Variants in SLC16A3 observed in about 807,000 individuals in gnomAD.
SLC16A3 encodes solute carrier family 16 member 3, also known as monocarboxylate transporter 4.
A neutral mutation model predicts 25.0 loss-of-function variants in SLC16A3; 22 were observed. That is an observed-to-expected ratio of 0.88 (90% CI 0.63 to 1.26). The LOEUF (loss-of-function observed/expected upper bound fraction) is 1.26, where lower values mean the gene tolerates loss of function less well. SLC16A3 is among the 50% of genes most tolerant of loss of function. The pLI is 0.00. For synonymous variants in SLC16A3, 390 were observed against 309.2 expected (o/e 1.26, Z -2.74); for missense variants, 731 against 666.6 (o/e 1.10, Z -1.06).
At chr17:82,222,889 C>G (rs193150308) in intron 1 of SLC16A3, among the ~76,000 whole-genome samples, 3 of 151,280 alleles carry the variant, frequency 2.0e-5, no homozygotes, top group African/African-American at 7.3e-5. Context: ...GCTCAGTAAA[C>G]ACGCTGGTCA....
chr17:82,220,300 C>G (rs1429962584), intron 1 of SLC16A3, among the ~76,000 whole-genome samples: 1 of 152,160 alleles, frequency 6.6e-6, no homozygotes, highest in African/African-American at 2.4e-5. Context: ...GACCTCCTGG[C>G]CTGCTGAGGC....
At chr17:82,232,921 G>GGGGT (rs1568534948) in intron 1 of SLC16A3, among the ~76,000 whole-genome samples, 1 of 150,650 alleles carries the variant, frequency 6.6e-6, no homozygotes, top group East Asian at 2.0e-4. Flanking sequence ...GGGGCGGCGG[G>GGGGT]GGGGGGGTTG....
chr17:82,238,751 G>T lies in SLC16A3; in HGVS notation c.1173G>T (p.Ala391=). The part of the protein sequence containing the change: ...THVYMYVFIL[A]GAEVLTSSLI... ...TCTACATGTACGTGTTCATCCTGGC[G>T]GGGGCCGAGGTGCTCACCTCCTCCC... The change falls in exon 5 of 5, where the codon GCG becomes GCT. Residue 391 remains alanine, a synonymous_variant. Coordinates refer to ENST00000582743, the MANE Select transcript of SLC16A3 (RefSeq NM_004207.4). 2 of 1,612,532 alleles carry T rather than the reference G, an allele frequency of 1.2e-6. No homozygotes were observed. Among genetic ancestry groups the T allele is most frequent in the Non-Finnish European group, 1.7e-6 (2 of 1,179,882 alleles).
chr17:82,236,747 GC>G lies in SLC16A3; in HGVS notation c.243del (p.Cys81TrpfsTer2). The G allele has an allele frequency of 6.2e-7, 1 of 1,607,628 alleles. No homozygotes were observed. Among genetic ancestry groups the G allele is most frequent in the East Asian group, 2.2e-5 (1 of 44,874 alleles). On this transcript the variant is annotated frameshift_variant, in exon 3 of 5. Transcript: ENST00000582743. LOFTEE classifies it high-confidence loss of function. ...TCTCCAGGTCCGCTCTGCAGTGTGT[GC>G]GTGAACCGCTTTGGCTGCCGGCCCG... ...LYGTGPLCSV[C>X]VNRFGCRPVM... is the part of the protein sequence containing the mutation.
In SLC16A3 at chr17:82,236,158, A is replaced by G; in HGVS notation, c.150A>G (p.Ile50Met). 1 of 1,613,260 alleles carries G rather than the reference A, an allele frequency of 6.2e-7. No homozygotes were observed. Among genetic ancestry groups the G allele is most frequent in the Non-Finnish European group, 8.5e-7 (1 of 1,179,966 alleles). The change falls in exon 2 of 5, where the codon ATA becomes ATG. Residue 50 changes from isoleucine to methionine, a missense_variant. Coordinates refer to ENST00000582743, the MANE Select transcript of SLC16A3 (RefSeq NM_004207.4). ...KAVSVFFKEL[I>M]QEFGIGYSDT... ...TCAGTGTCTTCTTCAAGGAGCTCAT[A>G]CAGGAGTTTGGGATCGGCTACAGCG... is the stretch of plus-strand genomic sequence containing the variant.
chr17:82,238,721 C>G lies in SLC16A3; in HGVS notation c.1143C>G (p.Thr381=). ...CCGCAGGCAAACTCCTGGATGCGAC[C>G]CACGTCTACATGTACGTGTTCATCC... ...PPSGGKLLDA[T]HVYMYVFILA... The change falls in exon 5 of 5, where the codon ACC becomes ACG. Residue 381 remains threonine, a synonymous_variant. Transcript: ENST00000582743. 6.2e-7 allele frequency: 1 copy of G among 1,611,242 alleles called. No homozygotes were observed. Among genetic ancestry groups the G allele is most frequent in the Non-Finnish European group, 8.5e-7 (1 of 1,179,368 alleles).
chr17:82,229,012 C>T (rs1483290453), upstream of SLC16A3: 2 of 149,410 alleles, frequency 1.3e-5, no homozygotes, highest in Admixed American at 1.3e-4. Flanking sequence ...GACCCGAGCA[C>T]TTAAAGTCGC....
chr17:82,221,501 G>A lies in SLC16A3; in HGVS notation c.-27+3317G>A, dbSNP rs530020270. The stretch of plus-strand genomic sequence containing the variant: ...GAAGACTCGTGTGAACCCGGGAGGT[G>A]AAGGCTGCAGTGAGCTGAGAACGCA... On this transcript the variant is annotated intron_variant, in intron 1 of 4. Coordinates refer to the SLC16A3 transcript ENST00000580098. 7.2e-5 allele frequency among the ~76,000 whole-genome samples: 11 copies of A among 152,098 alleles called. No homozygotes were observed. In the South Asian group the frequency reaches 1.9e-3, roughly 26 times the overall value.
chr17:82,228,100 G>A (rs915844686), upstream of SLC16A3, among the ~76,000 whole-genome samples: 20 of 152,232 alleles, frequency 1.3e-4, no homozygotes, highest in African/African-American at 4.6e-4. Flanking sequence ...GCCAGTTAAA[G>A]CATTCCTGTG....
In SLC16A3 at chr17:82,239,144, G is replaced by C; in HGVS notation, c.*168G>C. On this transcript the variant is annotated 3_prime_UTR_variant, in exon 5 of 5. Coordinates refer to ENST00000582743, the MANE Select transcript of SLC16A3 (RefSeq NM_004207.4). ...TTTTGAGGGGGAAGGTGGCGGGGTG[G>C]GAACCGTGTCATTCCAGAGTGGATC... 1.6e-6 allele frequency: 1 copy of C among 640,148 alleles called. No individual in the cohort carries two copies. Among genetic ancestry groups the C allele is most frequent in the Non-Finnish European group, 2.5e-6 (1 of 396,690 alleles). 39.7% of individuals were successfully genotyped at this position (640,148 alleles called of 1,614,324 possible).
upstream of SLC16A3, among the ~76,000 whole-genome samples, chr17:82,224,165 C>T (rs112306145): frequency 1.6e-4 from 14 of 87,508 alleles, no homozygotes; most frequent in South Asian, 5.2e-4. Flanking sequence ...CCCCTACACC[C>T]GTGCAGACAC....
chr17:82,220,113 C>T (rs2050380099), intron 1 of SLC16A3, among the ~76,000 whole-genome samples: 1 of 152,254 alleles, frequency 6.6e-6, no homozygotes, highest in South Asian at 2.1e-4. Context: ...CCCATCCAGC[C>T]ACCTGCCACC....
At chr17:82,235,008 G>A (rs557616754) in intron 1 of SLC16A3, 4 of 152,344 alleles carry the variant, frequency 2.6e-5, no homozygotes, top group Non-Finnish European at 5.9e-5. Flanking sequence ...CTGGTGAGGA[G>A]AGGACAAGGT....
chr17:82,227,365 G>A (rs2050429703), upstream of SLC16A3, among the ~76,000 whole-genome samples: 1 of 152,100 alleles, frequency 6.6e-6, no homozygotes, highest in Non-Finnish European at 1.5e-5. Context: ...AGATGTGGAA[G>A]GTGTCTCGGT....
intron 4 of SLC16A3, 25 bp from the exon 5 acceptor site, chr17:82,238,677 T>TGGGACTGACGGGGTCTTCCC: frequency 6.3e-7 from 1 of 1,594,236 alleles, no homozygotes; most frequent in Middle Eastern, 1.9e-4. Context: ...CATGAGCGGC[T>TGGGACTGACGGGGTCTTCCC]GGGACTGACG....
intron 1 of SLC16A3, among the ~76,000 whole-genome samples, chr17:82,219,966 A>G (rs1040717190): frequency 6.6e-6 from 1 of 152,082 alleles, no homozygotes; most frequent in African/African-American, 2.4e-5. Flanking sequence ...GAGCAGAGAA[A>G]GGCGAAAAAA....
chr17:82,226,043 G>C (rs536442519), upstream of SLC16A3, among the ~76,000 whole-genome samples: 30 of 151,908 alleles, frequency 2.0e-4, no homozygotes, highest in Non-Finnish European at 4.0e-4. Flanking sequence ...GAAAAGGTGG[G>C]ACTGCGCACC....
Position 82,237,378 on chromosome 17 carries a change from C to A in SLC16A3, c.608C>A (p.Thr203Lys). The A allele has an allele frequency of 1.3e-6, 2 of 1,541,180 alleles. No individual in the cohort carries two copies. Among genetic ancestry groups the A allele is most frequent in the Non-Finnish European group, 1.8e-6 (2 of 1,141,580 alleles). Residue 203 changes from threonine (T) to lysine (K), a missense_variant, in exon 4 of 5, where the codon ACG becomes AAG. Coordinates refer to ENST00000582743, the MANE Select transcript of SLC16A3 (RefSeq NM_004207.4). ...GCACTCATGAGGCCCCTGGTGGTCA[C>A]GGCCCAGCCGGGCTCGGGGCCGCCG... Reference protein sequence around the residue: ...CAALMRPLVVTAQPGSGPPRP... With the variant: ...CAALMRPLVVKAQPGSGPPRP...
intron 1 of SLC16A3, chr17:82,229,697 CT>C (rs2050463341): frequency 2.0e-5 from 3 of 152,344 alleles, no homozygotes. Context: ...TTCGCCCTAC[CT>C]CCACCCCTGG....
Sources: allele counts gnomAD v4.1 joint callset (sites outside exome capture counted in the v4.1 genomes callset), GRCh38; gene constraint gnomAD v4.1.1; transcripts MANE v1.5; gene names NCBI Gene and HGNC (gene_info 2026-07-23, HGNC 2026-07-21).